The following ADAM28 variants were observed in gnomAD, a reference collection of about 807,000 sequenced individuals.
The protein encoded by ADAM28 is ADAM metallopeptidase domain 28, also known as disintegrin and metalloproteinase domain-containing protein 28.
In ADAM28, 105 loss-of-function variants were observed where a neutral mutation model predicts 101.2. The ratio of observed to expected loss-of-function variants is 1.04; its 90% CI spans 0.89 to 1.22. The LOEUF (loss-of-function observed/expected upper bound fraction) is 1.22, where lower values mean the gene tolerates loss of function less well. Among genes scored for constraint, ADAM28 ranks in the 50% most tolerant of loss-of-function variants. The pLI is 0.00. For missense variants in ADAM28, 1,028 were observed against 945.4 expected, an observed-to-expected ratio of 1.09 and a Z score of -1.15; for synonymous variants, 322 against 310.6, an observed-to-expected ratio of 1.04 and a Z score of -0.39.
chr8:24,352,133 C>T, intron 21 of ADAM28, 81 bp downstream of exon 21: 1 of 1,190,886 alleles, frequency 8.4e-7, no homozygotes, highest in East Asian at 2.3e-5. Flanking sequence ...CACAACACTT[C>T]ATTATTTCTT....
Position 24,294,096 on chromosome 8 carries a change from G to A in ADAM28, c.-54G>A. 6.2e-7 allele frequency: 1 copy of A among 1,606,202 alleles called. No individual in the cohort carries two copies. Among genetic ancestry groups the A allele is most frequent in the Non-Finnish European group, 8.5e-7 (1 of 1,172,896 alleles). On this transcript the variant is annotated 5_prime_UTR_variant, in exon 1 of 23. Coordinates refer to ENST00000265769, the MANE Select transcript of ADAM28 (RefSeq NM_014265.6). ...TGGAGAGGAGGCAGGGACAGACCCAGCAGCACCCACCTGAGCGAGAAGAGC... is the reference window on the plus strand; with the variant it reads ...TGGAGAGGAGGCAGGGACAGACCCAACAGCACCCACCTGAGCGAGAAGAGC...
intron 21 of ADAM28, among the ~76,000 whole-genome samples, chr8:24,352,905 T>A (rs533946713): frequency 7.9e-5 from 12 of 151,552 alleles, no homozygotes; most frequent in Admixed American, 3.9e-4. Flanking sequence ...TTCCTGCACC[T>A]ATATCATCTT....
At chr8:24,336,083 G>C (rs1420567411) in intron 14 of ADAM28, 23 of 989,312 alleles carry the variant, frequency 2.3e-5, no homozygotes, top group Non-Finnish European at 2.6e-5. Context: ...AAGTACTGTG[G>C]GATGGGACAG....
At chr8:24,310,738 T>G (rs1810343782) in intron 4 of ADAM28, among the ~76,000 whole-genome samples, 1 of 152,170 alleles carries the variant, frequency 6.6e-6, no homozygotes, top group East Asian at 1.9e-4. Flanking sequence ...AGCTCCATTT[T>G]CCATGGGAAG....
chr8:24,353,872 T>C (rs758800262), intron 22 of ADAM28, 40 bp downstream of exon 22: 2 of 1,361,644 alleles, frequency 1.5e-6, no homozygotes, highest in Non-Finnish European at 2.1e-6. Flanking sequence ...TCTTGTATTA[T>C]AATCTCCTAC....
At chr8:24,321,068 GAATT>G (rs1470459530) in intron 7 of ADAM28, 146 bp from the exon 8 acceptor site, 153 of 564,654 alleles carry the variant, frequency 2.7e-4, no homozygotes, top group Non-Finnish European at 2.9e-4. Flanking sequence ...AGATGAATAG[GAATT>G]AATTTGATTC....
chr8:24,302,992 GTTGT>G (rs1809033058), intron 2 of ADAM28, among the ~76,000 whole-genome samples: 1 of 144,016 alleles, frequency 6.9e-6, no homozygotes, highest in South Asian at 2.2e-4. Context: ...ATTGTTCAGG[GTTGT>G]TTGTTTTTCT....
chr8:24,320,994 A>G (rs1469527093), intron 7 of ADAM28, among the ~76,000 whole-genome samples: 1 of 151,974 alleles, frequency 6.6e-6, no homozygotes, highest in Non-Finnish European at 1.5e-5. Context: ...TTAGAGCTTT[A>G]TACTGAGCTA....
intron 18 of ADAM28, among the ~76,000 whole-genome samples, chr8:24,344,277 C>T (rs1815146393): frequency 1.3e-5 from 2 of 152,132 alleles, no homozygotes; most frequent in Admixed American, 6.6e-5. Flanking sequence ...AGCTCATCAC[C>T]ACATTTTCTC....
chr8:24,356,906 AAGTAT>A lies in ADAM28; in HGVS notation c.*2503_*2507del, dbSNP rs1365404351. 13 of 152,296 alleles carry A rather than the reference AAGTAT, an allele frequency of 8.5e-5. No homozygotes were observed. Among genetic ancestry groups the A allele is most frequent in the African/African-American group, 3.1e-4 (13 of 41,548 alleles). The allele number at this position is 152,296 out of a possible 1,614,324, so 9.4% of individuals were successfully genotyped here. A position where few individuals can be genotyped will look rare whatever the true frequency, so the allele number is the denominator to read the frequency against. ...GCTTTTAGCTTTTTATAAAATAATG[AAGTAT>A]GCATGAAAAGAAAGCAAATTTTAGT... is the stretch of plus-strand genomic sequence containing the variant. On this transcript the variant is annotated 3_prime_UTR_variant, in exon 23 of 23. Transcript: ENST00000265769.
chr8:24,321,150 G>A lies in ADAM28; in HGVS notation c.649-68G>A, dbSNP rs111623788. On this transcript the variant is annotated intron_variant, in intron 7 of 22. Coordinates refer to ENST00000265769, the MANE Select transcript of ADAM28 (RefSeq NM_014265.6). Reference sequence around the variant, plus strand: ...AATAATAAGTAATATAAGAGAAGATGCCTTTTTAACCTTCCAAGTATATTC... The same window carrying A: ...AATAATAAGTAATATAAGAGAAGATACCTTTTTAACCTTCCAAGTATATTC... The A allele has an allele frequency of 9.4e-4, 827 of 875,810 alleles. 4 individuals carry two copies. In the African/African-American group the frequency reaches 0.011, roughly 12 times the overall value. 54.3% of individuals were successfully genotyped at this position (875,810 alleles called of 1,614,324 possible).
At chr8:24,297,694 C>T (rs139735089) in intron 1 of ADAM28, among the ~76,000 whole-genome samples, 3 of 152,254 alleles carry the variant, frequency 2.0e-5, no homozygotes, top group African/African-American at 7.2e-5. Flanking sequence ...TTTTGTGTCC[C>T]TGAATTAAGG....
chr8:24,299,405 G>A (rs879330580), intron 1 of ADAM28, among the ~76,000 whole-genome samples: 5 of 152,058 alleles, frequency 3.3e-5, no homozygotes, highest in Non-Finnish European at 5.9e-5. Context: ...TTTCTGTACT[G>A]CTTATGCCAG....
Position 24,310,331 on chromosome 8 carries a change from C to A in ADAM28, c.306+90C>A, listed in dbSNP as rs556975320. On this transcript the variant is annotated intron_variant, in intron 4 of 22. Coordinates refer to ENST00000265769, the MANE Select transcript of ADAM28 (RefSeq NM_014265.6). Reference sequence around the variant, plus strand: ...TGCCAGGCAAATAATAGAAGTGAAACTGCATTTGTAACATTAGTGCTTTTT... The same window carrying A: ...TGCCAGGCAAATAATAGAAGTGAAAATGCATTTGTAACATTAGTGCTTTTT... 8.5e-6 allele frequency: 10 copies of A among 1,180,812 alleles called. 1 individual carries two copies. The African/African-American group carries it at 1.4e-4, about 17-fold the overall frequency. 73.1% of individuals were successfully genotyped at this position (1,180,812 alleles called of 1,614,324 possible).
At chr8:24,351,398 T>C in intron 20 of ADAM28, 88 bp downstream of exon 20, 1 of 1,343,294 alleles carries the variant, frequency 7.4e-7, no homozygotes, top group Non-Finnish European at 1.1e-6. Flanking sequence ...CTATCATTTC[T>C]ACCCAGCAGC....
Position 24,356,709 on chromosome 8 carries a change from C to G in ADAM28, c.*2305C>G, listed in dbSNP as rs1241510796. The G allele has an allele frequency of 6.6e-6, 1 of 152,132 alleles. No homozygotes were observed. Among genetic ancestry groups the G allele is most frequent in the Non-Finnish European group, 1.5e-5 (1 of 68,008 alleles). The allele number at this position is 152,132 out of a possible 1,614,324, so 9.4% of individuals were successfully genotyped here. ...CCGCTTATTTGACATTTAACTACCT[C>G]AGATATGCCACCAAACCTGTTTTCA... On this transcript the variant is annotated 3_prime_UTR_variant, in exon 23 of 23. Transcript: ENST00000265769.
intron 14 of ADAM28, among the ~76,000 whole-genome samples, chr8:24,336,866 C>T (rs371430466): frequency 6.6e-5 from 10 of 151,974 alleles, no homozygotes; most frequent in African/African-American, 2.2e-4. Context: ...TGCCATACTC[C>T]CTTCCTAATA....
At chr8:24,333,960 T>C (rs982927184) in intron 13 of ADAM28, among the ~76,000 whole-genome samples, 8 of 152,178 alleles carry the variant, frequency 5.3e-5, no homozygotes, top group Admixed American at 3.9e-4. Flanking sequence ...AACTGCAGCA[T>C]GAATGTGCAC....
chr8:24,353,272 G>A (rs1278234444), intron 21 of ADAM28, among the ~76,000 whole-genome samples: 2 of 151,932 alleles, frequency 1.3e-5, no homozygotes, highest in East Asian at 3.9e-4. Flanking sequence ...TAGGAGGTAG[G>A]GTATGAAAAA....
Sources: allele counts gnomAD v4.1 joint callset (sites outside exome capture counted in the v4.1 genomes callset), GRCh38; gene constraint gnomAD v4.1.1; transcripts MANE v1.5; gene names NCBI Gene and HGNC (gene_info 2026-07-23, HGNC 2026-07-21).